Variants in PCDHA3 observed in about 807,000 individuals in gnomAD.
PCDHA3 encodes protocadherin alpha-3.
A neutral mutation model predicts 62.2 loss-of-function variants in PCDHA3; 41 were observed. The observed-to-expected ratio is 0.66, with a 90% CI of 0.51 to 0.86. The LOEUF is 0.86. Among genes scored for constraint, PCDHA3 ranks in the 40% least tolerant of loss-of-function variants. The probability of loss-of-function intolerance (pLI) is 0.00; values close to 1 mark genes in which losing one functional copy is unlikely to be tolerated. For missense variants in PCDHA3, 1,304 were observed against 1,241.2 expected (o/e 1.05, Z -0.76); for synonymous variants, 640 against 555.4 (o/e 1.15, Z -2.14).
chr5:140,871,343 G>A (rs782701070), intron 1 of PCDHA3: 3 of 1,614,194 alleles, frequency 1.9e-6, no homozygotes, highest in East Asian at 2.2e-5. Context: ...GTGGGGAGCT[G>A]GTCATACTCG....
At chr5:140,929,972 G>A (rs2086500191) in intron 1 of PCDHA3, 1 of 152,084 alleles carries the variant, frequency 6.6e-6, no homozygotes, top group South Asian at 2.1e-4. Flanking sequence ...TTTTGGTGAA[G>A]GTGTCTTCTT....
intron 1 of PCDHA3, among the ~76,000 whole-genome samples, chr5:140,844,742 T>C (rs1779524927): frequency 1.3e-5 from 2 of 149,642 alleles, no homozygotes; most frequent in Admixed American, 6.7e-5. Context: ...TTTAGTATTA[T>C]GGGATAAATC....
intron 1 of PCDHA3, among the ~76,000 whole-genome samples, chr5:140,888,197 C>G (rs190439070): frequency 4.6e-5 from 7 of 152,044 alleles, no homozygotes; most frequent in Non-Finnish European, 8.8e-5. Flanking sequence ...TTTACATTGT[C>G]GGATGCTGGA....
chr5:140,949,714 T>A (rs2094416715), intron 1 of PCDHA3, among the ~76,000 whole-genome samples: 1 of 151,848 alleles, frequency 6.6e-6, no homozygotes, highest in South Asian at 2.1e-4. Flanking sequence ...TTTTACCCAT[T>A]TTGATAATAT....
rs183321184 is a variant in PCDHA3 at position 140,907,756 on chromosome 5, C to G, written c.2395-71193C>G. 7.8e-3 allele frequency among the ~76,000 whole-genome samples: 1,193 copies of G among 152,264 alleles called. 22 individuals carry two copies. The highest frequency in any genetic ancestry group is 0.027 in the African/African-American group (1,101 of 41,546). On this transcript the variant is annotated intron_variant, in intron 1 of 3. Coordinates refer to ENST00000522353, the MANE Select transcript of PCDHA3 (RefSeq NM_018906.3). ...CCACCATGGCCACTTTGTTCATGGGCCCATTGGGTGATGACAGGGGTGGCT... is the reference window on the plus strand; with the variant it reads ...CCACCATGGCCACTTTGTTCATGGGGCCATTGGGTGATGACAGGGGTGGCT...
chr5:140,876,191 C>T (rs1313911800), intron 1 of PCDHA3: 3 of 1,613,760 alleles, frequency 1.9e-6, no homozygotes, highest in Non-Finnish European at 2.5e-6. Context: ...GACAATGGTC[C>T]GGCGTTTGAT....
At chr5:140,835,461 C>A in intron 1 of PCDHA3, 1 of 1,613,936 alleles carries the variant, frequency 6.2e-7, no homozygotes, top group Non-Finnish European at 8.5e-7. Flanking sequence ...TCTCCCTATT[C>A]CAGAGGACGC....
At chr5:140,865,729 G>A (rs1325219094) in intron 1 of PCDHA3, 2 of 152,136 alleles carry the variant, frequency 1.3e-5, no homozygotes, top group Non-Finnish European at 2.9e-5. Context: ...GCTGAGATGT[G>A]TATCTATTTT....
At chr5:140,906,017 C>G (rs1172988114) in intron 1 of PCDHA3, among the ~76,000 whole-genome samples, 2 of 152,188 alleles carry the variant, frequency 1.3e-5, no homozygotes, top group African/African-American at 2.4e-5. Flanking sequence ...AGTCTAATCT[C>G]TCCACGTTCT....
intron 1 of PCDHA3, among the ~76,000 whole-genome samples, chr5:140,840,806 T>C (rs2150309377): frequency 1.9e-4 from 29 of 152,226 alleles, no homozygotes; most frequent in Non-Finnish European, 3.5e-4. Flanking sequence ...GAGTAATATA[T>C]ACCAGTGTTT....
chr5:140,859,463 A>C (rs1189832254), intron 1 of PCDHA3: 1 of 215,224 alleles, frequency 4.6e-6, no homozygotes, highest in African/African-American at 2.3e-5. Context: ...ACAAAACTAC[A>C]CTATCAATTG....
At chr5:140,871,219 G>A in intron 1 of PCDHA3, 1 of 1,613,872 alleles carries the variant, frequency 6.2e-7, no homozygotes, top group African/African-American at 1.3e-5. Flanking sequence ...CATCTGCGTG[G>A]TGTCCAGCCT....
chr5:140,994,954 T>C (rs2097657181), intron 3 of PCDHA3, among the ~76,000 whole-genome samples: 1 of 152,230 alleles, frequency 6.6e-6, no homozygotes, highest in Non-Finnish European at 1.5e-5. Flanking sequence ...AAATAATTTG[T>C]AGTTTCATTT....
rs527413028 is a variant in PCDHA3, at chr5:140,920,520, G to A, written c.2395-58429G>A. Among the ~76,000 whole-genome samples, 10 of 152,176 alleles carry A rather than the reference G, an allele frequency of 6.6e-5. No homozygotes were observed. In the South Asian group the frequency reaches 1.7e-3, roughly 25 times the overall value. ...TTCTACATACTGTTTTATGCAATTCGTTAGACTCAGGTTTTCTATTTCACC... is the reference window on the plus strand; with the variant it reads ...TTCTACATACTGTTTTATGCAATTCATTAGACTCAGGTTTTCTATTTCACC... On this transcript the variant is annotated intron_variant, in intron 1 of 3. Transcript: ENST00000522353.
At chr5:140,889,835 C>A (rs899287696) in intron 1 of PCDHA3, among the ~76,000 whole-genome samples, 10 of 152,080 alleles carry the variant, frequency 6.6e-5, no homozygotes, top group African/African-American at 2.2e-4. Context: ...TTACAGTATG[C>A]TTTGGTCTCT....
chr5:140,829,673 C>G (rs1246503495), intron 1 of PCDHA3: 3 of 1,613,006 alleles, frequency 1.9e-6, no homozygotes, highest in South Asian at 2.2e-5. Flanking sequence ...CCACGAGGAG[C>G]TAGAGCTGCT....
intron 1 of PCDHA3, chr5:140,869,097 G>T (rs1344358126): frequency 1.3e-6 from 2 of 1,595,318 alleles, no homozygotes; most frequent in Non-Finnish European, 1.7e-6. Flanking sequence ...AGCCAATTTC[G>T]TATGCGATGT....
chr5:140,837,666 T>C (rs1775190875), intron 1 of PCDHA3, among the ~76,000 whole-genome samples: 1 of 151,622 alleles, frequency 6.6e-6, no homozygotes, highest in African/African-American at 2.4e-5. Context: ...TTTCTTTCAT[T>C]CTTTTTCTTT....
chr5:140,849,816 G>T lies in PCDHA3; in HGVS notation c.2394+46225G>T, dbSNP rs2150451582. ...GCCTTCACTGTGGGCCACGGCCAGG[G>T]TGTCTGTGGAGGTGGCCGACGTGAA... On this transcript the variant is annotated intron_variant, in intron 1 of 3. Transcript: ENST00000522353. 94 of 1,598,462 alleles carry T rather than the reference G, an allele frequency of 5.9e-5. 8 individuals are homozygous for T. Among genetic ancestry groups the T allele is most frequent in the Admixed American group, 5.1e-5 (3 of 59,318 alleles).
Sources: gnomAD v4.1 joint callset for allele counts (sites outside exome capture counted in the v4.1 genomes callset) on GRCh38, gnomAD v4.1.1 for gene constraint, MANE v1.5 for transcripts, NCBI Gene and HGNC (gene_info 2026-07-23, HGNC 2026-07-21) for gene names.